Variants in PRKACB observed in about 807,000 individuals in gnomAD.
The protein encoded by PRKACB is cAMP-dependent protein kinase catalytic subunit beta.
PRKACB carries 16 observed loss-of-function variants against 51.4 expected under a neutral mutation model. That is an observed-to-expected ratio of 0.31 (90% CI 0.21 to 0.47). PRKACB has a LOEUF of 0.47. Among genes scored for constraint, PRKACB ranks in the 20% least tolerant of loss-of-function variants. The pLI is 1.00. For missense variants in PRKACB, 309 were observed against 464.5 expected (o/e 0.67, Z 3.08); for synonymous variants, 147 against 154.4 (o/e 0.95, Z 0.35).
chr1:84,105,853 T>C (rs1390374063), intron 1 of PRKACB, among the ~76,000 whole-genome samples: 2 of 152,076 alleles, frequency 1.3e-5, no homozygotes, highest in African/African-American at 2.4e-5. Flanking sequence ...GCTGGGATTA[T>C]AGGTGTAAGC....
chr1:84,113,492 A>C (rs1412828865), intron 1 of PRKACB, among the ~76,000 whole-genome samples: 2 of 152,218 alleles, frequency 1.3e-5, no homozygotes, highest in Non-Finnish European at 2.9e-5. Context: ...TCAGATTGCC[A>C]TACCCAGCAA....
chr1:84,153,648 G>T (rs1275631910), intron 1 of PRKACB, among the ~76,000 whole-genome samples: 1 of 152,064 alleles, frequency 6.6e-6, no homozygotes, highest in Non-Finnish European at 1.5e-5. Flanking sequence ...GGTTCCACAT[G>T]TGTGACATTA....
chr1:84,196,847 T>G (rs1420320874), intron 6 of PRKACB, 105 bp downstream of exon 6: 1 of 1,230,854 alleles, frequency 8.1e-7, no homozygotes, highest in African/African-American at 1.5e-5. Flanking sequence ...AGACACTTTC[T>G]CCTAATAGTT....
At chr1:84,131,292 C>T (rs141236262) in intron 1 of PRKACB, among the ~76,000 whole-genome samples, 1,693 of 149,580 alleles carry the variant, frequency 0.011, 43 homozygotes, top group African/African-American at 0.04. Context: ...TGCAATGAGC[C>T]GAGATGGCAC....
chr1:84,171,465 A>G (rs1407740196), intron 1 of PRKACB, among the ~76,000 whole-genome samples: 1 of 151,684 alleles, frequency 6.6e-6, no homozygotes, highest in Non-Finnish European at 1.5e-5. Context: ...AGTTTTACAT[A>G]CAAGTTTTAG....
At chr1:84,128,392 T>G (rs2100543882) in intron 1 of PRKACB, among the ~76,000 whole-genome samples, 1 of 152,340 alleles carries the variant, frequency 6.6e-6, no homozygotes, top group East Asian at 1.9e-4. Flanking sequence ...GTCTATAGCA[T>G]TCTGTCCAAA....
At chr1:84,177,273 T>C (rs1661615162) in intron 1 of PRKACB, among the ~76,000 whole-genome samples, 2 of 152,108 alleles carry the variant, frequency 1.3e-5, no homozygotes. Flanking sequence ...TTGCAATAAA[T>C]TATGTTTTTA....
At chr1:84,096,962 C>T (rs114226077) in intron 1 of PRKACB, among the ~76,000 whole-genome samples, 1,816 of 152,072 alleles carry the variant, frequency 0.012, 46 homozygotes, top group African/African-American at 0.042. Flanking sequence ...ATATTAGTTT[C>T]GCCTGTTTTT....
intron 7 of PRKACB, among the ~76,000 whole-genome samples, chr1:84,198,581 T>G (rs913508122): frequency 2.0e-5 from 3 of 152,096 alleles, no homozygotes; most frequent in African/African-American, 7.2e-5. Flanking sequence ...TTAAATAATA[T>G]GTAACTTCTT....
chr1:84,150,999 G>A (rs901187392), intron 1 of PRKACB, among the ~76,000 whole-genome samples: 11 of 152,020 alleles, frequency 7.2e-5, no homozygotes, highest in Non-Finnish European at 8.8e-5. Flanking sequence ...CAACATGATG[G>A]TTCAATATAA....
At chr1:84,168,026 T>C (rs1039061595) in intron 1 of PRKACB, among the ~76,000 whole-genome samples, 3 of 151,598 alleles carry the variant, frequency 2.0e-5, no homozygotes, top group African/African-American at 7.2e-5. Flanking sequence ...AAAGAAATAC[T>C]AAAGGAACTT....
chr1:84,096,161 A>G (rs923367745), intron 1 of PRKACB, among the ~76,000 whole-genome samples: 1 of 151,986 alleles, frequency 6.6e-6, no homozygotes, highest in Non-Finnish European at 1.5e-5. Context: ...TCTATTTCCT[A>G]TTCTTACTCC....
chr1:84,090,860 T>G (rs1354317069), intron 1 of PRKACB, among the ~76,000 whole-genome samples: 1 of 152,194 alleles, frequency 6.6e-6, no homozygotes, highest in Admixed American at 6.5e-5. Context: ...TAGAAAAATT[T>G]GGGGACATGT....
intron 1 of PRKACB, among the ~76,000 whole-genome samples, chr1:84,091,954 A>G (rs1648511245): frequency 6.6e-6 from 1 of 152,196 alleles, no homozygotes; most frequent in Non-Finnish European, 1.5e-5. Flanking sequence ...AGTGGGAGCC[A>G]TAGTGGAGGT....
intron 7 of PRKACB, 24 bp downstream of exon 7, chr1:84,197,848 A>G (rs1161685360): frequency 7.3e-6 from 11 of 1,511,500 alleles, no homozygotes; most frequent in Non-Finnish European, 9.1e-6. Flanking sequence ...ATCAACACAT[A>G]AGAAGTAGAA....
chr1:84,202,829 C>G, intron 8 of PRKACB, 24 bp downstream of exon 8: 1 of 1,551,152 alleles, frequency 6.4e-7, no homozygotes, highest in South Asian at 1.1e-5. Context: ...TTTATTATTC[C>G]TCTCTTATTA....
chr1:84,128,774 A>G (rs2100545235), intron 1 of PRKACB, among the ~76,000 whole-genome samples: 1 of 152,230 alleles, frequency 6.6e-6, no homozygotes, highest in South Asian at 2.1e-4. Flanking sequence ...AAAAAGTGGC[A>G]TATCTGTCAG....
chr1:84,230,929 C>T (rs997888300), intron 9 of PRKACB, among the ~76,000 whole-genome samples: 9 of 142,264 alleles, frequency 6.3e-5, no homozygotes, highest in Admixed American at 2.2e-4. Flanking sequence ...ATTTCCTTCT[C>T]CTGCCTAATT....
intron 7 of PRKACB, among the ~76,000 whole-genome samples, chr1:84,199,699 C>G (rs532778684): frequency 1.3e-5 from 2 of 152,248 alleles, no homozygotes; most frequent in South Asian, 4.1e-4. Flanking sequence ...AATGGTAGTT[C>G]TGCTTTTAGC....
Sources: allele counts gnomAD v4.1 joint callset (sites outside exome capture counted in the v4.1 genomes callset), GRCh38; gene constraint gnomAD v4.1.1; transcripts MANE v1.5; gene names NCBI Gene and HGNC (gene_info 2026-07-23, HGNC 2026-07-21).